The following HDC variants were observed in gnomAD, a reference collection of about 807,000 sequenced individuals.
HDC encodes the protein histidine decarboxylase.
A neutral mutation model predicts 64.4 loss-of-function variants in HDC; 27 were observed. The ratio of observed to expected loss-of-function variants is 0.42; its 90% CI spans 0.31 to 0.58. HDC has a LOEUF of 0.58. Among genes scored for constraint, HDC ranks in the 20% least tolerant of loss-of-function variants. The pLI is 0.16. For synonymous variants in HDC, 305 were observed against 314.2 expected (o/e 0.97, Z 0.31); for missense variants, 711 against 833.9 (o/e 0.85, Z 1.81).
chr15:50,252,685 T>C lies in HDC; in HGVS notation c.877A>G (p.Ile293Val). Residue 293 changes from isoleucine to valine, a missense_variant, in exon 8 of 12, where the codon ATT (isoleucine) becomes GTT (valine). Transcript: ENST00000267845. ...CPEFRGFLKG[I>V]EYADSFTFNP... The stretch of plus-strand genomic sequence containing the variant: ...AAGGTGAAGGAGTCGGCATACTCAA[T>C]CCCCTTCAGAAACCCCCGGAACTCG... 1 of 1,614,020 alleles carries C rather than the reference T, an allele frequency of 6.2e-7. No individual in the cohort carries two copies. Among genetic ancestry groups the C allele is most frequent in the Non-Finnish European group, 8.5e-7 (1 of 1,179,998 alleles).
intron 10 of HDC, among the ~76,000 whole-genome samples, chr15:50,247,367 AATT>A (rs1476775180): frequency 2.0e-5 from 3 of 152,172 alleles, no homozygotes; most frequent in Non-Finnish European, 4.4e-5. Context: ...ATATATACGT[AATT>A]ATTATGTAAG....
chr15:50,245,173 T>C (rs1239583133), intron 10 of HDC, among the ~76,000 whole-genome samples: 1 of 152,238 alleles, frequency 6.6e-6, no homozygotes, highest in Non-Finnish European at 1.5e-5. Context: ...CCGCTCTAGG[T>C]CAAGGGCAGG....
intron 10 of HDC, among the ~76,000 whole-genome samples, chr15:50,245,454 G>A (rs1334878911): frequency 1.3e-5 from 2 of 152,136 alleles, no homozygotes; most frequent in African/African-American, 2.4e-5. Flanking sequence ...GATGAAGAAG[G>A]AGATGATGAA....
At chr15:50,254,757 T>C in intron 4 of HDC, 93 bp from the exon 5 acceptor site, 1 of 1,020,246 alleles carries the variant, frequency 9.8e-7, no homozygotes, top group Non-Finnish European at 1.5e-6. Flanking sequence ...TCTCTCTCTC[T>C]CTCTCTCTCT....
intron 7 of HDC, 72 bp downstream of exon 7, chr15:50,253,528 T>G (rs1490520084): frequency 3.8e-6 from 5 of 1,332,890 alleles, no homozygotes; most frequent in Non-Finnish European, 5.4e-6. Flanking sequence ...AGAGCTGGTT[T>G]CAGGTCCTTG....
Position 50,263,364 on chromosome 15 carries a change from C to T in HDC, c.75G>A (p.Val25=), listed in dbSNP as rs140958918. The change falls in exon 2 of 12, where the codon GTG becomes GTA. Residue 25 remains valine (V), a synonymous_variant. Coordinates refer to ENST00000267845, the MANE Select transcript of HDC (RefSeq NM_002112.4). ...CGTCTGGCGTCACACGTCTCTCCCG[C>T]ACAGTGCTCAGGTACTGGCAGATGT... ...VDYICQYLST[V]RERRVTPDVQ... The T allele has an allele frequency of 8.8e-4, 1,428 of 1,614,242 alleles. 2 individuals carry two copies. The highest frequency in any genetic ancestry group is 1.3e-3 in the South Asian group (116 of 91,090).
intron 2 of HDC, among the ~76,000 whole-genome samples, chr15:50,262,296 C>T (rs1395065303): frequency 6.6e-6 from 1 of 152,180 alleles, no homozygotes; most frequent in Non-Finnish European, 1.5e-5. Context: ...CTACCAGGTA[C>T]TAATTCTGTG....
Position 50,253,631 on chromosome 15 carries a change from T to A in HDC, c.756A>T (p.Ala252=). 6.2e-7 allele frequency: 1 copy of A among 1,613,848 alleles called. No homozygotes were observed. Among genetic ancestry groups the A allele is most frequent in the Non-Finnish European group, 8.5e-7 (1 of 1,180,006 alleles). The change falls in exon 7 of 12, where the codon GCA becomes GCT. Residue 252 remains alanine (A), a synonymous_variant. Coordinates refer to ENST00000267845, the MANE Select transcript of HDC (RefSeq NM_002112.4). ...CATLGTTGVC[A]FDCLSELGPI... Reference sequence around the variant, plus strand: ...GGCCCAGCTCTGACAGGCAGTCAAATGCACAGACCCCAGTGGTCCCTAGTG... The same window carrying A: ...GGCCCAGCTCTGACAGGCAGTCAAAAGCACAGACCCCAGTGGTCCCTAGTG...
Position 50,242,418 on chromosome 15 carries a change from T to C in HDC, c.1831A>G (p.Arg611Gly). 1 of 1,614,186 alleles carries C rather than the reference T, an allele frequency of 6.2e-7. No homozygotes were observed. Among genetic ancestry groups the C allele is most frequent in the Non-Finnish European group, 8.5e-7 (1 of 1,180,028 alleles). ...EASVKNGGSS[R>G]VRIFSRFPED... ...GGAAACCTGGAAAAGATTCTGACCC[T>C]GGAGGAGCCCCCATTCTTCACAGAG... Residue 611 changes from arginine to glycine, a missense_variant, in exon 12 of 12, where the codon AGG (arginine) becomes GGG (glycine). By Grantham distance (125) the Arg-to-Gly change is moderately radical. This residue lies in a region of HDC where 483 missense variants were observed against 540.9 expected (regional missense o/e 0.89). Transcript: ENST00000267845.
intron 8 of HDC, 43 bp from the exon 9 acceptor site, chr15:50,252,563 G>T: frequency 1.2e-6 from 2 of 1,614,156 alleles, no homozygotes; most frequent in Non-Finnish European, 1.7e-6. Context: ...GGTCTCTCCA[G>T]AGGAGGCAAG....
Position 50,252,447 on chromosome 15 carries a change from C to A in HDC, c.1024G>T (p.Val342Leu). 5 of 1,614,144 alleles carry A rather than the reference C, an allele frequency of 3.1e-6. No homozygotes were observed. Among genetic ancestry groups the A allele is most frequent in the Non-Finnish European group, 3.4e-6 (4 of 1,179,980 alleles). The stretch of plus-strand genomic sequence containing the variant: ...CCACTCACCATGAAGTCGGTGGCCA[C>A]GCCTGAGTTGGCATGCCTGAGGTAG... ...PIYLRHANSG[V>L]ATDFMHWQIP... The change falls in exon 9 of 12, where the codon GTG becomes TTG. Residue 342 changes from valine to leucine, a missense_variant. Transcript: ENST00000267845.
chr15:50,244,505 T>TAG (rs959597670), intron 10 of HDC: 4 of 152,070 alleles, frequency 2.6e-5, no homozygotes, highest in African/African-American at 9.7e-5. Context: ...GTGGTCTCAC[T>TAG]AGGTTGTTCA....
At chr15:50,253,400 C>T in intron 7 of HDC, 200 bp downstream of exon 7, 1 of 652,730 alleles carries the variant, frequency 1.5e-6, no homozygotes, top group Non-Finnish European at 2.8e-6. Flanking sequence ...CCACCTCTAA[C>T]TCTTGTCACA....
At chr15:50,253,713 G>GAC (rs1460574619) in intron 6 of HDC, 47 bp from the exon 7 acceptor site, 2 of 1,486,722 alleles carry the variant, frequency 1.3e-6, no homozygotes, top group East Asian at 4.5e-5. Context: ...GGGCTCGTGT[G>GAC]ACACATTTGG....
intron 5 of HDC, 111 bp downstream of exon 5, chr15:50,254,419 T>C: frequency 1.3e-6 from 2 of 1,541,750 alleles, no homozygotes; most frequent in Non-Finnish European, 1.8e-6. Context: ...CTCCCATGTC[T>C]GAGCTGCTCA....
chr15:50,263,420 T>C lies in HDC; in HGVS notation c.32-13A>G, dbSNP rs371601209. The C allele has an allele frequency of 1.7e-5, 28 of 1,613,452 alleles. No individual in the cohort carries two copies. The African/African-American group carries it at 3.3e-4, about 19-fold the overall frequency. Reference sequence around the variant, plus strand: ...ACCATCTCTCTCCCTAGAAGTGACATAGAGAAATCAGGCTGAAATCCCCTG... The same window carrying C: ...ACCATCTCTCTCCCTAGAAGTGACACAGAGAAATCAGGCTGAAATCCCCTG... On this transcript the variant is annotated splice_polypyrimidine_tract_variant and intron_variant, in intron 1 of 11. Coordinates refer to ENST00000267845, the MANE Select transcript of HDC (RefSeq NM_002112.4).
At chr15:50,260,609 A>T (rs1389255067) in intron 2 of HDC, among the ~76,000 whole-genome samples, 1 of 152,236 alleles carries the variant, frequency 6.6e-6, no homozygotes, top group Non-Finnish European at 1.5e-5. Flanking sequence ...AAGAGTCATG[A>T]TCGGTAATAA....
At chr15:50,256,759 T>C (rs555312734) in intron 4 of HDC, among the ~76,000 whole-genome samples, 4 of 152,376 alleles carry the variant, frequency 2.6e-5, no homozygotes, top group African/African-American at 7.2e-5. Context: ...TTATTATCTC[T>C]GTCTCATAGA....
intron 4 of HDC, among the ~76,000 whole-genome samples, chr15:50,255,860 A>C (rs1001756955): frequency 2.0e-5 from 3 of 152,158 alleles, no homozygotes; most frequent in South Asian, 2.1e-4. Context: ...AGTTTACAAA[A>C]CACTTTCTGG....
Sources: gnomAD v4.1 joint callset for allele counts (sites outside exome capture counted in the v4.1 genomes callset) on GRCh38, gnomAD v4.1.1 for gene constraint, gnomAD v4.1.1 regional missense constraint, MANE v1.5 for transcripts, NCBI Gene and HGNC (gene_info 2026-07-23, HGNC 2026-07-21) for gene names.